The following DGKI variants were observed in gnomAD, a reference collection of about 807,000 sequenced individuals.
DGKI encodes the protein diacylglycerol kinase iota, also known as DAG kinase iota.
DGKI carries 55 observed loss-of-function variants against 147.5 expected under a neutral mutation model. That is an observed-to-expected ratio of 0.37 (90% CI 0.30 to 0.47). DGKI has a LOEUF of 0.47. Ranked by LOEUF, DGKI falls within the 20% of genes least tolerant of loss-of-function variation. The probability of loss-of-function intolerance (pLI) is 1.00; values close to 1 mark genes in which losing one functional copy is unlikely to be tolerated. For synonymous variants in DGKI, 469 were observed against 477.1 expected (o/e 0.98, Z 0.22); for missense variants, 1,007 against 1,323.8 (o/e 0.76, Z 3.71).
intron 1 of DGKI, among the ~76,000 whole-genome samples, chr7:137,813,916 T>C (rs565344852): frequency 1.3e-5 from 2 of 152,290 alleles, no homozygotes; most frequent in African/African-American, 4.8e-5. Context: ...TATATAGACA[T>C]AATTTCCCTT....
intron 15 of DGKI, among the ~76,000 whole-genome samples, chr7:137,581,082 C>A (rs1003858585): frequency 1.3e-5 from 2 of 151,894 alleles, no homozygotes; most frequent in Non-Finnish European, 2.9e-5. Flanking sequence ...AGAGATCAAT[C>A]GGGACTACAA....
rs562496056 is a variant in DGKI, at chr7:137,838,496, GT to G, written c.401+7965del. ...TTATCTTTCAACAAATTGCTTTCAA[GT>G]TTTTTTTTTAAAAAAGCAAAAATGT... On this transcript the variant is annotated intron_variant, in intron 1 of 32. Transcript: ENST00000614521. Among the ~76,000 whole-genome samples, 143 of 150,048 alleles carry G rather than the reference GT, an allele frequency of 9.5e-4. 1 individual carries two copies. In the South Asian group the frequency reaches 0.021, roughly 22 times the overall value.
At chr7:137,616,281 A>T (rs1820529568) in intron 8 of DGKI, among the ~76,000 whole-genome samples, 1 of 152,208 alleles carries the variant, frequency 6.6e-6, no homozygotes, top group African/African-American at 2.4e-5. Flanking sequence ...ATAGGATACT[A>T]TGATGATAAA....
At chr7:137,626,938 C>T (rs919301636) in intron 6 of DGKI, among the ~76,000 whole-genome samples, 3 of 152,210 alleles carry the variant, frequency 2.0e-5, no homozygotes, top group Admixed American at 2.0e-4. Context: ...ATTAACAGAA[C>T]AAGCTCTTCA....
rs1563125762 is a variant in DGKI, at chr7:137,638,595, CAT to C, written c.804+6875_804+6876del. Among the ~76,000 whole-genome samples, 7 of 8,780 alleles carry C rather than the reference CAT, an allele frequency of 8.0e-4. 1 individual carries two copies. The highest frequency in any genetic ancestry group is 1.5e-3 in the African/African-American group (5 of 3,360). The allele number at this position is 8,780 out of a possible 152,430, so 5.8% of individuals were successfully genotyped here. A position where few individuals can be genotyped will look rare whatever the true frequency, so the allele number is the denominator to read the frequency against. On this transcript the variant is annotated intron_variant, in intron 6 of 32. Coordinates refer to ENST00000614521, the MANE Select transcript of DGKI (RefSeq NM_001321708.2). ...ATATATGTATATATACACATATATA[CAT>C]ATATGTATATATATACACACACACA... is the stretch of plus-strand genomic sequence containing the variant.
At position 137,741,421 on chromosome 7, in the gene DGKI, A is replaced by C. The variant is rs149632374; in HGVS notation, c.402-51419T>G. Among the ~76,000 whole-genome samples the C allele has an allele frequency of 1.5e-3, 230 of 152,302 alleles. 1 individual carries two copies. Among genetic ancestry groups the C allele is most frequent in the African/African-American group, 5.4e-3 (224 of 41,556 alleles). On this transcript the variant is annotated intron_variant, in intron 1 of 32. Transcript: ENST00000614521. ...AGAGGGCATGCGAAAAACATTACCCACACTTAAAGAAGAAAATTAATCCCA... is the reference window on the plus strand; with the variant it reads ...AGAGGGCATGCGAAAAACATTACCCCCACTTAAAGAAGAAAATTAATCCCA...
At chr7:137,740,777 A>G (rs1204281192) in intron 1 of DGKI, among the ~76,000 whole-genome samples, 2 of 152,210 alleles carry the variant, frequency 1.3e-5, no homozygotes, top group Non-Finnish European at 2.9e-5. Context: ...CTATAATTTA[A>G]AATAACCATC....
chr7:137,688,596 AG>A (rs1823502914), intron 2 of DGKI, among the ~76,000 whole-genome samples: 1 of 152,232 alleles, frequency 6.6e-6, no homozygotes, highest in African/African-American at 2.4e-5. Flanking sequence ...TGCAGACTAC[AG>A]GGTTGTTTGG....
chr7:137,540,102 TAAGA>T (rs1585211675), intron 20 of DGKI, among the ~76,000 whole-genome samples: 1 of 152,216 alleles, frequency 6.6e-6, no homozygotes, highest in Admixed American at 6.5e-5. Flanking sequence ...ATTTATAGCT[TAAGA>T]AAGAGGAAAA....
chr7:137,529,986 G>C (rs999871257), intron 20 of DGKI, among the ~76,000 whole-genome samples: 1 of 151,972 alleles, frequency 6.6e-6, no homozygotes, highest in Non-Finnish European at 1.5e-5. Context: ...TGACCTCCTC[G>C]GGTGATCCAC....
intron 20 of DGKI, among the ~76,000 whole-genome samples, chr7:137,539,737 A>G (rs1168579633): frequency 6.6e-6 from 1 of 151,952 alleles, no homozygotes; most frequent in Non-Finnish European, 1.5e-5. Context: ...AAGCAGAAGG[A>G]AGGAAATAAT....
chr7:137,609,124 G>A (rs1318358328), intron 9 of DGKI, 60 bp from the exon 10 acceptor site: 1 of 1,395,168 alleles, frequency 7.2e-7, no homozygotes, highest in Non-Finnish European at 1.0e-6. Context: ...GCAACCCCAA[G>A]GCAAGGGAGG....
At chr7:137,741,647 C>T (rs1289221303) in intron 1 of DGKI, among the ~76,000 whole-genome samples, 1 of 152,202 alleles carries the variant, frequency 6.6e-6, no homozygotes, top group African/African-American at 2.4e-5. Flanking sequence ...TGCACAGAAA[C>T]CAGCTCGCCA....
At chr7:137,677,867 C>T (rs1202190517) in intron 3 of DGKI, among the ~76,000 whole-genome samples, 1 of 152,172 alleles carries the variant, frequency 6.6e-6, no homozygotes, top group Non-Finnish European at 1.5e-5. Context: ...TACACACAAA[C>T]TTTAAGTTCA....
chr7:137,846,875 C>G lies in DGKI; in HGVS notation c.-13G>C. ...CCGCAGCATCCATCCGCGGCTGCAC[C>G]GCACCGGGGCATTGTGGGAAACTCC... On this transcript the variant is annotated 5_prime_UTR_variant, in exon 1 of 33. Transcript: ENST00000614521. The surrounding 1 kb of genome is among the most constrained non-coding windows in gnomAD (Gnocchi z 4.0). 1 of 1,160,180 alleles carries G rather than the reference C, an allele frequency of 8.6e-7. No homozygotes were observed. Among genetic ancestry groups the G allele is most frequent in the African/African-American group, 1.6e-5 (1 of 62,046 alleles). The allele number at this position is 1,160,180 out of a possible 1,614,324, so 71.9% of individuals were successfully genotyped here.
At chr7:137,470,143 C>T (rs1046931111) in intron 23 of DGKI, among the ~76,000 whole-genome samples, 2 of 152,192 alleles carry the variant, frequency 1.3e-5, no homozygotes, top group African/African-American at 4.8e-5. Context: ...TAACCTCAGC[C>T]TTCTCCACTG....
chr7:137,412,895 A>T (rs1812215168), intron 28 of DGKI, among the ~76,000 whole-genome samples: 2 of 152,216 alleles, frequency 1.3e-5, no homozygotes, highest in African/African-American at 4.8e-5. Flanking sequence ...AGGTAACTTA[A>T]ACTACTTTTA....
intron 1 of DGKI, among the ~76,000 whole-genome samples, chr7:137,719,206 G>A (rs1463258083): frequency 6.6e-6 from 1 of 152,072 alleles, no homozygotes; most frequent in South Asian, 2.1e-4. Context: ...AGAATCCCTT[G>A]ATGGAATTAC....
chr7:137,778,771 C>T (rs1400115679), intron 1 of DGKI, among the ~76,000 whole-genome samples: 1 of 152,100 alleles, frequency 6.6e-6, no homozygotes, highest in Non-Finnish European at 1.5e-5. Context: ...GCCTCAGTTT[C>T]CTTACTTGAT....
Sources: allele counts gnomAD v4.1 joint callset (sites outside exome capture counted in the v4.1 genomes callset), GRCh38; gene constraint gnomAD v4.1.1; non-coding constraint Gnocchi (gnomAD v3.1); transcripts MANE v1.5; gene names NCBI Gene and HGNC (gene_info 2026-07-23, HGNC 2026-07-21).